Variants in SEMA3A observed in about 807,000 individuals in gnomAD.
SEMA3A encodes semaphorin 3A.
Under a neutral mutation model 97.9 loss-of-function variants are expected in SEMA3A, and 29 were observed. The observed-to-expected ratio is 0.30, with a 90% CI of 0.22 to 0.40. SEMA3A has a LOEUF of 0.40. Ranked by LOEUF, SEMA3A falls within the 10% of genes least tolerant of loss-of-function variation. The pLI, the probability that SEMA3A is intolerant of heterozygous loss-of-function variation, is 1.00. For synonymous variants in SEMA3A, 321 were observed against 323.7 expected (o/e 0.99, Z 0.09); for missense variants, 763 against 951.3 (o/e 0.80, Z 2.60).
At chr7:84,367,197 TA>T (rs1173195867) in intron 2 of SEMA3A, among the ~76,000 whole-genome samples, 1 of 151,072 alleles carries the variant, frequency 6.6e-6, no homozygotes, top group Non-Finnish European at 1.5e-5. Context: ...AAAATAAACG[TA>T]TAGGTGAGAT....
chr7:83,974,831 G>C (rs1465997791), intron 15 of SEMA3A, among the ~76,000 whole-genome samples: 1 of 152,066 alleles, frequency 6.6e-6, no homozygotes, highest in Non-Finnish European at 1.5e-5. Flanking sequence ...TTTTATTGCT[G>C]GAGGGCTTGC....
chr7:84,356,762 C>T (rs1345888495), intron 2 of SEMA3A, among the ~76,000 whole-genome samples: 2 of 151,612 alleles, frequency 1.3e-5, no homozygotes, highest in Non-Finnish European at 2.9e-5. Flanking sequence ...TTGAATTGTT[C>T]TCTATTTAAG....
intron 13 of SEMA3A, among the ~76,000 whole-genome samples, chr7:83,981,926 C>T (rs768235119): frequency 4.6e-5 from 7 of 152,076 alleles, no homozygotes; most frequent in Admixed American, 1.3e-4. Flanking sequence ...GGAGTGTGCC[C>T]TTTCCTATGA....
chr7:84,297,118 C>A (rs566103006), intron 3 of SEMA3A, among the ~76,000 whole-genome samples: 1 of 152,128 alleles, frequency 6.6e-6, no homozygotes, highest in African/African-American at 2.4e-5. Context: ...GCTGGGATTA[C>A]AGGCATGCGC....
chr7:84,042,839 G>T (rs929165914), intron 6 of SEMA3A, among the ~76,000 whole-genome samples: 2 of 152,028 alleles, frequency 1.3e-5, no homozygotes, highest in Admixed American at 6.6e-5. Context: ...AAAATAAACT[G>T]CTCTAATGAA....
At chr7:84,431,217 T>G (rs916333775) in intron 1 of SEMA3A, among the ~76,000 whole-genome samples, 1 of 151,966 alleles carries the variant, frequency 6.6e-6, no homozygotes, top group African/African-American at 2.4e-5. Flanking sequence ...ATGAAAACAT[T>G]TTAGGATTTT....
intron 6 of SEMA3A, among the ~76,000 whole-genome samples, chr7:84,028,064 G>A (rs565844618): frequency 2.0e-5 from 3 of 152,252 alleles, no homozygotes; most frequent in African/African-American, 7.2e-5. Flanking sequence ...ACCGATGTCC[G>A]AAGCTACTTT....
At chr7:84,236,045 T>C (rs753808069) in intron 3 of SEMA3A, among the ~76,000 whole-genome samples, 20 of 152,176 alleles carry the variant, frequency 1.3e-4, no homozygotes, top group Non-Finnish European at 2.9e-4. Context: ...AATTGGCTAC[T>C]GTTTACTGCA....
At chr7:84,348,181 A>C (rs1362877567) in intron 2 of SEMA3A, among the ~76,000 whole-genome samples, 2 of 152,290 alleles carry the variant, frequency 1.3e-5, no homozygotes, top group Non-Finnish European at 2.9e-5. Context: ...AAAAAAATTA[A>C]TGTGGCTTTG....
At chr7:84,143,920 A>ATC (rs142920312) in intron 1 of SEMA3A, among the ~76,000 whole-genome samples, 4,128 of 128,432 alleles carry the variant, frequency 0.032, 233 homozygotes, top group African/African-American at 0.11. Context: ...TACTGTCCTA[A>ATC]TCTCTCTCTC....
intron 3 of SEMA3A, among the ~76,000 whole-genome samples, chr7:84,231,911 A>G (rs1043923111): frequency 1.3e-5 from 2 of 151,854 alleles, no homozygotes; most frequent in African/African-American, 4.8e-5. Flanking sequence ...GGATACATGG[A>G]ATGCTTAGCC....
chr7:84,443,480 A>C (rs947866202), intron 1 of SEMA3A, among the ~76,000 whole-genome samples: 3 of 152,110 alleles, frequency 2.0e-5, no homozygotes, highest in Admixed American at 1.3e-4. Context: ...TTAATGGAAA[A>C]AAGATCAATG....
intron 1 of SEMA3A, among the ~76,000 whole-genome samples, chr7:84,425,006 T>A (rs1450222832): frequency 6.3e-4 from 65 of 103,506 alleles, no homozygotes; most frequent in Non-Finnish European, 1.2e-4. Flanking sequence ...TATTTATTTA[T>A]ATATATTATT....
upstream of SEMA3A, among the ~76,000 whole-genome samples, chr7:84,196,222 A>G (rs1372871946): frequency 4.6e-5 from 7 of 152,116 alleles, no homozygotes; most frequent in African/African-American, 1.7e-4. Flanking sequence ...GAGTCTCACA[A>G]TTAAAAACAT....
intron 1 of SEMA3A, among the ~76,000 whole-genome samples, chr7:84,424,417 T>A (rs1225639682): frequency 1.3e-4 from 17 of 131,856 alleles, no homozygotes; most frequent in African/African-American, 4.5e-4. Flanking sequence ...ATATATAATA[T>A]ATTGTTATAA....
intron 1 of SEMA3A, among the ~76,000 whole-genome samples, chr7:84,402,179 AT>A (rs1478874352): frequency 6.6e-6 from 1 of 152,168 alleles, no homozygotes; most frequent in African/African-American, 2.4e-5. Context: ...ACAAAATCTA[AT>A]TTAAAAATAA....
intron 1 of SEMA3A, among the ~76,000 whole-genome samples, chr7:84,382,508 A>G (rs1221762973): frequency 4.0e-5 from 6 of 151,640 alleles, no homozygotes; most frequent in Non-Finnish European, 7.4e-5. Context: ...TGAATGAGTG[A>G]CAATTTTACC....
Position 84,053,229 on chromosome 7 carries a change from C to T in SEMA3A, c.548-6786G>A, listed in dbSNP as rs906681622. On this transcript the variant is annotated intron_variant, in intron 5 of 16. Transcript: ENST00000265362. ...GAGTTCTGTAGATGTCTATTAGGTA[C>T]GCTTGGCGCAGAGCTGAGTTCAATT... 4.4e-4 allele frequency among the ~76,000 whole-genome samples: 47 copies of T among 105,788 alleles called. 4 individuals carry two copies. Among genetic ancestry groups the T allele is most frequent in the Non-Finnish European group, 6.7e-4 (29 of 43,574 alleles). 69.4% of individuals were successfully genotyped at this position (105,788 alleles called of 152,430 possible).
intron 1 of SEMA3A, among the ~76,000 whole-genome samples, chr7:84,399,320 G>A (rs6948391): frequency 0.11 from 17,029 of 152,164 alleles, 1,200 homozygotes; most frequent in East Asian, 0.28. Flanking sequence ...TGACTAAAGT[G>A]ACCTTGAGCC....
Sources: allele counts gnomAD v4.1 joint callset (sites outside exome capture counted in the v4.1 genomes callset), GRCh38; gene constraint gnomAD v4.1.1; transcripts MANE v1.5; gene names NCBI Gene and HGNC (gene_info 2026-07-23, HGNC 2026-07-21).